FSTL4: variants seen among roughly 807,000 people sequenced by gnomAD.
FSTL4 encodes the protein follistatin-related protein 4.
A neutral mutation model predicts 78.2 loss-of-function variants in FSTL4; 28 were observed. That is an observed-to-expected ratio of 0.36 (90% CI 0.27 to 0.49). The LOEUF is 0.49. FSTL4 is among the 20% of genes least tolerant of loss of function. FSTL4 has a pLI of 0.98. For synonymous variants in FSTL4, 422 were observed against 440.5 expected, an observed-to-expected ratio of 0.96 and a Z score of 0.53; for missense variants, 922 against 1,084.9, an observed-to-expected ratio of 0.85 and a Z score of 2.11.
intron 4 of FSTL4, among the ~76,000 whole-genome samples, chr5:133,370,287 G>C (rs1465940942): frequency 6.6e-6 from 1 of 152,142 alleles, no homozygotes; most frequent in Non-Finnish European, 1.5e-5. Context: ...AGCTGTGGTT[G>C]GCAGGCTGGG....
At chr5:133,698,737 C>T in the FSTL4 span, among the ~76,000 whole-genome samples, 2 of 152,226 alleles carry the variant, frequency 1.3e-5, no homozygotes, top group African/African-American at 4.8e-5. Flanking sequence ...TCCTAAAAGG[C>T]TCCTTGAGAA....
rs1176840981 is a variant in FSTL4 at position 133,352,373 on chromosome 5, CAT to C, written c.410-35723_410-35722del. Among the ~76,000 whole-genome samples the C allele has an allele frequency of 5.5e-3, 794 of 144,620 alleles. 7 individuals carry two copies. The highest frequency in any genetic ancestry group is 0.019 in the African/African-American group (749 of 39,602). 94.9% of individuals were successfully genotyped at this position (144,620 alleles called of 152,430 possible). A position where few individuals can be genotyped will look rare whatever the true frequency, so the allele number is the denominator to read the frequency against. ...ATATATACACACACATATATATACACATATATATATATACACACACATATATA... is the reference window on the plus strand; with the variant it reads ...ATATATACACACACATATATATACACATATATATATACACACACATATATA... On this transcript the variant is annotated intron_variant, in intron 4 of 15. Transcript: ENST00000265342.
chr5:133,554,587 T>C (rs931927664), intron 3 of FSTL4, among the ~76,000 whole-genome samples: 1 of 152,238 alleles, frequency 6.6e-6, no homozygotes, highest in African/African-American at 2.4e-5. Context: ...CAATTATTTA[T>C]TTTTTCCTAA....
intron 3 of FSTL4, among the ~76,000 whole-genome samples, chr5:133,417,087 C>T (rs1756592496): frequency 6.6e-6 from 1 of 152,066 alleles, no homozygotes; most frequent in Admixed American, 6.6e-5. Flanking sequence ...GTTCTCATAA[C>T]AAAAAATGCC....
At chr5:133,366,737 C>T (rs897925845) in intron 4 of FSTL4, among the ~76,000 whole-genome samples, 8 of 151,638 alleles carry the variant, frequency 5.3e-5, no homozygotes, top group South Asian at 4.2e-4. Flanking sequence ...GGAACATCAA[C>T]GGACCAATCC....
the FSTL4 span, among the ~76,000 whole-genome samples, chr5:133,662,778 G>A: frequency 6.6e-6 from 1 of 152,110 alleles, no homozygotes; most frequent in Non-Finnish European, 1.5e-5. Context: ...CGTGGCTCAG[G>A]CTGCCACCTC....
At chr5:133,506,429 C>T (rs1758613761) in intron 3 of FSTL4, among the ~76,000 whole-genome samples, 1 of 152,098 alleles carries the variant, frequency 6.6e-6, no homozygotes, top group African/African-American at 2.4e-5. Flanking sequence ...GAAAAGTCAA[C>T]AGCTCCACTC....
At chr5:133,265,413 G>C (rs1410882311) in intron 6 of FSTL4, among the ~76,000 whole-genome samples, 2 of 152,188 alleles carry the variant, frequency 1.3e-5, no homozygotes, top group East Asian at 3.9e-4. Context: ...CAATGTGAAA[G>C]TTCCAGGCTT....
At chr5:133,470,295 C>T (rs935128809) in intron 3 of FSTL4, among the ~76,000 whole-genome samples, 1 of 152,168 alleles carries the variant, frequency 6.6e-6, no homozygotes, top group African/African-American at 2.4e-5. Context: ...AAAAATAAAA[C>T]CCAAACAGAG....
intron 6 of FSTL4, among the ~76,000 whole-genome samples, chr5:133,274,948 G>A (rs1259857862): frequency 1.3e-5 from 2 of 152,170 alleles, no homozygotes. Flanking sequence ...TAAAAATGCA[G>A]TTCCCTTTGT....
intron 3 of FSTL4, among the ~76,000 whole-genome samples, chr5:133,522,980 G>A (rs1233875156): frequency 1.3e-5 from 2 of 148,476 alleles, no homozygotes; most frequent in Non-Finnish European, 3.0e-5. Context: ...TTGTGCCCCT[G>A]CCACCCCCGA....
the FSTL4 span, among the ~76,000 whole-genome samples, chr5:133,697,774 G>C: frequency 6.6e-6 from 1 of 152,152 alleles, no homozygotes; most frequent in Non-Finnish European, 1.5e-5. Context: ...CCAACCTCAC[G>C]TGAGACTATC....
At chr5:133,510,875 G>A (rs755201897) in intron 3 of FSTL4, among the ~76,000 whole-genome samples, 3 of 152,030 alleles carry the variant, frequency 2.0e-5, no homozygotes, top group African/African-American at 7.2e-5. Context: ...CTCCTCTGAC[G>A]TCAAAACCCA....
the FSTL4 span, among the ~76,000 whole-genome samples, chr5:133,759,393 A>G: frequency 6.6e-6 from 1 of 152,314 alleles, no homozygotes; most frequent in Admixed American, 6.5e-5. Context: ...GTGGTAATTC[A>G]TATGCACTGA....
chr5:133,672,429 A>G, the FSTL4 span, among the ~76,000 whole-genome samples: 1 of 152,232 alleles, frequency 6.6e-6, no homozygotes, highest in Non-Finnish European at 1.5e-5. Context: ...TCACTGCAGC[A>G]TAGCATAGAC....
the FSTL4 span, among the ~76,000 whole-genome samples, chr5:133,641,386 T>G: frequency 2.6e-5 from 4 of 152,216 alleles, no homozygotes; most frequent in Non-Finnish European, 5.9e-5. Flanking sequence ...ATACATTTTT[T>G]GTATACTTGA....
At chr5:133,658,777 T>A in the FSTL4 span, among the ~76,000 whole-genome samples, 1 of 152,180 alleles carries the variant, frequency 6.6e-6, no homozygotes, top group Middle Eastern at 3.2e-3. Flanking sequence ...TAAATTTACC[T>A]GAGTGCTGCT....
At chr5:133,645,698 A>T in the FSTL4 span, among the ~76,000 whole-genome samples, 2 of 152,224 alleles carry the variant, frequency 1.3e-5, no homozygotes, top group South Asian at 4.2e-4. Flanking sequence ...ATCCAATGAC[A>T]AGTATCCTCA....
the FSTL4 span, among the ~76,000 whole-genome samples, chr5:133,697,850 C>A: frequency 6.6e-6 from 1 of 152,182 alleles, no homozygotes; most frequent in Non-Finnish European, 1.5e-5. Context: ...CAGATAATTT[C>A]CTGCTGGAGG....
Sources: allele counts gnomAD v4.1 joint callset (sites outside exome capture counted in the v4.1 genomes callset), GRCh38; gene constraint gnomAD v4.1.1; transcripts MANE v1.5; gene names NCBI Gene and HGNC (gene_info 2026-07-23, HGNC 2026-07-21).